CDKL3: variants seen among roughly 807,000 people sequenced by gnomAD.
CDKL3 encodes cyclin-dependent kinase-like 3.
CDKL3 carries 65 observed loss-of-function variants against 69.3 expected under a neutral mutation model. That is an observed-to-expected ratio of 0.94 (90% CI 0.77 to 1.15). The LOEUF (loss-of-function observed/expected upper bound fraction) is 1.15, where lower values mean the gene tolerates loss of function less well. CDKL3 is among the 50% of genes most tolerant of loss of function. The pLI is 0.00. For synonymous variants in CDKL3, 202 were observed against 221.6 expected (o/e 0.91, Z 0.79); for missense variants, 652 against 689.2 (o/e 0.95, Z 0.61).
rs369485420 is a variant in CDKL3 at position 134,366,381 on chromosome 5, A to G, written c.143T>C (p.Met48Thr). The G allele has an allele frequency of 2.5e-6, 4 of 1,579,360 alleles. No individual in the cohort carries two copies. Among genetic ancestry groups the G allele is most frequent in the East Asian group, 4.5e-5 (2 of 44,314 alleles). Reference sequence around the variant, plus strand: ...AACCTTTAGAAACTTTATTTCTCTCATCGCAATTTTGTTGACAGATTGTTC... The same window carrying G: ...AACCTTTAGAAACTTTATTTCTCTCGTCGCAATTTTGTTGACAGATTGTTC... ...RPEQSVNKIAMREIKFLKQFH... is the reference protein window; with the variant it reads ...RPEQSVNKIATREIKFLKQFH... Residue 48 changes from methionine (M) to threonine (T), a missense_variant, in exon 2 of 13, where the codon ATG becomes ACG. Transcript: ENST00000265334.
chr5:134,319,234 G>T, intron 6 of CDKL3, 124 bp downstream of exon 6: 1 of 667,022 alleles, frequency 1.5e-6, no homozygotes, highest in Non-Finnish European at 2.3e-6. Flanking sequence ...GGAAGGCTGA[G>T]GCAGGAGAAT....
chr5:134,357,568 G>A lies in CDKL3; in HGVS notation c.360+2329C>T, dbSNP rs537003926. ...AATCGCTTGAACCCAGAAGGCGGAAGTTGCAGTGAGCCGAGATCCTGCCAT... is the reference window on the plus strand; with the variant it reads ...AATCGCTTGAACCCAGAAGGCGGAAATTGCAGTGAGCCGAGATCCTGCCAT... On this transcript the variant is annotated intron_variant, in intron 3 of 12. Transcript: ENST00000265334. 9.2e-5 allele frequency among the ~76,000 whole-genome samples: 14 copies of A among 152,250 alleles called. No individual in the cohort carries two copies. In the East Asian group the frequency reaches 2.5e-3, roughly 27 times the overall value.
intron 6 of CDKL3, 75 bp downstream of exon 6, chr5:134,319,283 T>C: frequency 1.7e-6 from 2 of 1,148,150 alleles, no homozygotes; most frequent in South Asian, 3.6e-5. Flanking sequence ...TGAGCCGAGA[T>C]CACTCCACTG....
At chr5:134,292,180 C>T (rs371193975) in intron 8 of CDKL3, among the ~76,000 whole-genome samples, 5 of 152,278 alleles carry the variant, frequency 3.3e-5, no homozygotes, top group Admixed American at 6.5e-5. Context: ...ATACATTCTT[C>T]TCAAGCACAA....
downstream of CDKL3, among the ~76,000 whole-genome samples, chr5:134,284,989 T>G (rs918316778): frequency 2.0e-5 from 3 of 152,190 alleles, no homozygotes; most frequent in African/African-American, 7.2e-5. Context: ...CTTACGAAGA[T>G]GATGGGATTA....
chr5:134,304,844 T>C (rs1247645587), intron 10 of CDKL3, among the ~76,000 whole-genome samples: 1 of 148,910 alleles, frequency 6.7e-6, no homozygotes, highest in South Asian at 2.1e-4. Context: ...ATTATTATTA[T>C]TATTATTATT....
chr5:134,371,473 TCGGCGGCGG>T (rs34763898), upstream of CDKL3: 2,378 of 1,143,986 alleles, frequency 2.1e-3, 5 homozygotes, highest in East Asian at 3.6e-3. Context: ...TTTGTCAGTC[TCGGCGGCGG>T]CGGCGGCGGC....
At chr5:134,342,760 AT>A (rs771819436) in intron 4 of CDKL3, among the ~76,000 whole-genome samples, 107 of 152,326 alleles carry the variant, frequency 7.0e-4, no homozygotes, top group Non-Finnish European at 1.4e-3. Context: ...AGAATCTCAG[AT>A]GTCTGTTTTG....
rs1751725644 is a variant in CDKL3 at position 134,345,847 on chromosome 5, C to T, written c.539+4402G>A. Among the ~76,000 whole-genome samples, 3 of 152,182 alleles carry T rather than the reference C, an allele frequency of 2.0e-5. No homozygotes were observed. The South Asian group carries it at 6.2e-4, about 31-fold the overall frequency. Reference sequence around the variant, plus strand: ...AGGGGATATGATGGCTTAGGTTGGGCTCAGAGGCCTGACAGCACCCACTGA... The same window carrying T: ...AGGGGATATGATGGCTTAGGTTGGGTTCAGAGGCCTGACAGCACCCACTGA... On this transcript the variant is annotated intron_variant, in intron 4 of 12. Coordinates refer to ENST00000265334, the MANE Select transcript of CDKL3 (RefSeq NM_001113575.2).
intron 8 of CDKL3, among the ~76,000 whole-genome samples, chr5:134,287,895 CTTTTTT>C (rs5871533): frequency 2.2e-5 from 3 of 138,158 alleles, no homozygotes; most frequent in South Asian, 2.2e-4. Flanking sequence ...TGTAACTTTA[CTTTTTT>C]TTTTTTTTTT....
At chr5:134,292,736 T>C (rs1191949186) in intron 8 of CDKL3, among the ~76,000 whole-genome samples, 1 of 151,748 alleles carries the variant, frequency 6.6e-6, no homozygotes, top group Admixed American at 6.6e-5. Context: ...ACACAAATTA[T>C]CAATAACAGG....
chr5:134,302,616 C>T lies in CDKL3; in HGVS notation c.1693G>A (p.Val565Met), dbSNP rs73788621. 1.3e-5 allele frequency: 21 copies of T among 1,593,398 alleles called. No individual in the cohort carries two copies. The highest frequency in any genetic ancestry group is 6.7e-5 in the African/African-American group (5 of 74,524). The change falls in exon 12 of 13, where the codon GTG (valine) becomes ATG (methionine). Residue 565 changes from valine (V) to methionine (M), a missense_variant. Physicochemically the swap from Val to Met is conservative, Grantham distance 21 (BLOSUM62 1). Coordinates refer to ENST00000265334, the MANE Select transcript of CDKL3 (RefSeq NM_001113575.2). ...ESSKIPTLLN[V>M]DQNQEKQEGG... The stretch of plus-strand genomic sequence containing the variant: ...TCTTGTTTTTCTTGATTTTGATCCA[C>T]GTTAAGTAAAGTTGGTATCTTAGAT...
At chr5:134,319,921 C>G (rs989750266) in intron 5 of CDKL3, among the ~76,000 whole-genome samples, 1 of 151,704 alleles carries the variant, frequency 6.6e-6, no homozygotes, top group Non-Finnish European at 1.5e-5. Flanking sequence ...CAAAATATTG[C>G]AAAAAAAGAA....
chr5:134,371,524 G>A, upstream of CDKL3: 10 of 1,563,566 alleles, frequency 6.4e-6, no homozygotes, highest in South Asian at 4.6e-5. Context: ...TGATTCGGCC[G>A]CCGCGCCGGG....
In CDKL3 at chr5:134,350,259, A is replaced by T; in HGVS notation, c.529T>A (p.Ser177Thr). The T allele has an allele frequency of 6.4e-7, 1 of 1,566,424 alleles. No individual in the cohort carries two copies. Among genetic ancestry groups the T allele is most frequent in the Non-Finnish European group, 8.6e-7 (1 of 1,157,696 alleles). The change falls in exon 4 of 13, where the codon TCT becomes ACT. Residue 177 changes from serine to threonine, a missense_variant. Coordinates refer to ENST00000265334, the MANE Select transcript of CDKL3 (RefSeq NM_001113575.2). Reference protein sequence around the residue: ...RAPELVLKDTSYGKPVDIWAL... With the variant: ...RAPELVLKDTTYGKPVDIWAL... The stretch of plus-strand genomic sequence containing the variant: ...CCAAAATACACATACTTTCCATAAG[A>T]AGTATCTTTTAATACTAATTCGGGA...
chr5:134,309,390 T>C (rs1228388812), intron 7 of CDKL3, among the ~76,000 whole-genome samples: 1 of 152,250 alleles, frequency 6.6e-6, no homozygotes. Context: ...GCTGTGGTTC[T>C]TTAAAGTAAT....
downstream of CDKL3, among the ~76,000 whole-genome samples, chr5:134,295,558 G>A (rs1301960483): frequency 1.3e-5 from 2 of 152,160 alleles, no homozygotes; most frequent in Non-Finnish European, 2.9e-5. Context: ...CAACCTAATA[G>A]TTGCTGAGGC....
chr5:134,326,829 A>ATGTG (rs780866668), intron 4 of CDKL3, among the ~76,000 whole-genome samples: 10,170 of 85,726 alleles, frequency 0.12, 725 homozygotes, highest in East Asian at 0.25. Context: ...ATATATATAT[A>ATGTG]TATATATATA....
chr5:134,306,919 T>A (rs749553726), intron 9 of CDKL3, among the ~76,000 whole-genome samples: 35 of 152,154 alleles, frequency 2.3e-4, no homozygotes, highest in Non-Finnish European at 4.4e-4. Context: ...CATGCCCAAC[T>A]AATTTTTGTA....
Sources: allele counts gnomAD v4.1 joint callset (sites outside exome capture counted in the v4.1 genomes callset), GRCh38; gene constraint gnomAD v4.1.1; transcripts MANE v1.5; gene names NCBI Gene and HGNC (gene_info 2026-07-23, HGNC 2026-07-21).